Variants in SOD2 observed in about 807,000 individuals in gnomAD.
The protein encoded by SOD2 is superoxide dismutase [Mn], mitochondrial.
A neutral mutation model predicts 27.0 loss-of-function variants in SOD2; 11 were observed. The ratio of observed to expected loss-of-function variants is 0.41; its 90% CI spans 0.26 to 0.67. The LOEUF (loss-of-function observed/expected upper bound fraction) is 0.67. Among genes scored for constraint, SOD2 ranks in the 30% least tolerant of loss-of-function variants. The pLI is 0.34. For synonymous variants in SOD2, 105 were observed against 103.0 expected, an observed-to-expected ratio of 1.02 and a Z score of -0.12; for missense variants, 250 against 274.5, an observed-to-expected ratio of 0.91 and a Z score of 0.63.
chr6:159,709,710 G>A (rs1410088834), intron 1 of SOD2, among the ~76,000 whole-genome samples: 2 of 152,110 alleles, frequency 1.3e-5, no homozygotes, highest in African/African-American at 2.4e-5. Context: ...ACAGTGTGGC[G>A]ATTCCTCAGG....
chr6:159,757,396 CCTTTT>C (rs949244406), intron 1 of SOD2, among the ~76,000 whole-genome samples: 2 of 150,242 alleles, frequency 1.3e-5, no homozygotes, highest in Non-Finnish European at 1.5e-5. Context: ...TCTTGATTAA[CCTTTT>C]CTTTTTTTTC....
At chr6:159,694,148 C>A (rs1385898553), upstream of SOD2, among the ~76,000 whole-genome samples, 1 of 152,212 alleles carries the variant, frequency 6.6e-6, no homozygotes, top group Non-Finnish European at 1.5e-5. Context: ...TGTGAACCAA[C>A]TGTTCAGGAT....
intron 1 of SOD2, among the ~76,000 whole-genome samples, chr6:159,710,485 C>G (rs1379887481): frequency 6.6e-6 from 1 of 151,928 alleles, no homozygotes; most frequent in African/African-American, 2.4e-5. Context: ...GAGAAGCTGA[C>G]CAAGAGTGAT....
In SOD2 at chr6:159,678,888, T is replaced by C. The variant is rs1440499583; in HGVS notation, c.*3605A>G. The C allele has an allele frequency of 6.6e-6, 1 of 152,350 alleles. No homozygotes were observed. Among genetic ancestry groups the C allele is most frequent in the South Asian group, 2.1e-4 (1 of 4,834 alleles). The allele number at this position is 152,350 out of a possible 1,614,324, so 9.4% of individuals were successfully genotyped here. A position where few individuals can be genotyped will look rare whatever the true frequency, so the allele number is the denominator to read the frequency against. Reference sequence around the variant, plus strand: ...CCTGGTGTAAAAGTATTGAGTGGTATGTGACAACAGCAAAAACACTTTGGT... The same window carrying C: ...CCTGGTGTAAAAGTATTGAGTGGTACGTGACAACAGCAAAAACACTTTGGT... On this transcript the variant is annotated 3_prime_UTR_variant, in exon 5 of 5. Transcript: ENST00000538183.
rs529350002 is a variant in SOD2 at position 159,753,657 on chromosome 6, A to G, written c.-335-4981T>C. Reference sequence around the variant, plus strand: ...TTTTGGAACGTTGTCTCAACTTTGCATTGGCTTTTTAAAACTGCCAGTCAT... The same window carrying G: ...TTTTGGAACGTTGTCTCAACTTTGCGTTGGCTTTTTAAAACTGCCAGTCAT... On this transcript the variant is annotated intron_variant, in intron 1 of 7. Coordinates refer to the SOD2 transcript ENST00000546087. 1.3e-5 allele frequency: 20 copies of G among 1,564,418 alleles called. No homozygotes were observed. The South Asian group carries it at 2.2e-4, about 17-fold the overall frequency.
chr6:159,717,897 A>G (rs534182501), intron 1 of SOD2, among the ~76,000 whole-genome samples: 12 of 149,588 alleles, frequency 8.0e-5, no homozygotes, highest in East Asian at 5.9e-4. Flanking sequence ...ATGTATGGAT[A>G]TGTGTGTGTG....
At chr6:159,728,046 C>G (rs1778320246), upstream of SOD2, among the ~76,000 whole-genome samples, 1 of 152,202 alleles carries the variant, frequency 6.6e-6, no homozygotes, top group Non-Finnish European at 1.5e-5. Flanking sequence ...CCCTTCACCT[C>G]CCTTGGGCCT....
rs764702899 is a variant in SOD2 at position 159,692,647 on chromosome 6, A to G, written c.226+14T>C. On this transcript the variant is annotated intron_variant, in intron 2 of 4. Transcript: ENST00000538183. ...TGCCGGGGACTGCCTCCCGCCGCTC[A>G]GCCTGGAACCTACCCTTGGCCAACG... 8 of 1,612,150 alleles carry G rather than the reference A, an allele frequency of 5.0e-6. No homozygotes were observed. The highest frequency in any genetic ancestry group is 6.8e-6 in the Non-Finnish European group (8 of 1,178,986).
chr6:159,747,897 T>TATTTTTTTA (rs1245334303), upstream of SOD2, among the ~76,000 whole-genome samples: 1 of 152,230 alleles, frequency 6.6e-6, no homozygotes. Flanking sequence ...CTTAAATAGT[T>TATTTTTTTA]ATTTTTTTAA....
chr6:159,742,155 G>A, intron 1 of SOD2: 1 of 1,597,800 alleles, frequency 6.3e-7, no homozygotes, highest in Non-Finnish European at 8.5e-7. Context: ...CTGTAAGTTT[G>A]AGTTTTAGCT....
chr6:159,697,579 T>C (rs968400659), upstream of SOD2, among the ~76,000 whole-genome samples: 3 of 152,178 alleles, frequency 2.0e-5, no homozygotes, highest in Non-Finnish European at 4.4e-5. Context: ...AGAACAAAAG[T>C]GTTCTGTTAA....
intron 4 of SOD2, among the ~76,000 whole-genome samples, chr6:159,683,163 T>G (rs902248942): frequency 6.6e-6 from 1 of 152,210 alleles, no homozygotes; most frequent in African/African-American, 2.4e-5. Context: ...ATGAAGAATT[T>G]AGTTCTATCT....
At chr6:159,711,009 A>C (rs1432237752) in intron 1 of SOD2, among the ~76,000 whole-genome samples, 2 of 80,256 alleles carry the variant, frequency 2.5e-5, no homozygotes, top group Admixed American at 1.2e-4. Context: ...TCTGACCTCC[A>C]TAACCACCTC....
At chr6:159,726,805 C>T in intron 1 of SOD2, 1 of 1,289,222 alleles carries the variant, frequency 7.8e-7, no homozygotes, top group Non-Finnish European at 1.0e-6. Context: ...CTGCGCCTCA[C>T]GACTGATGAG....
chr6:159,712,172 A>G (rs577275517), intron 1 of SOD2, among the ~76,000 whole-genome samples: 4 of 94,324 alleles, frequency 4.2e-5, no homozygotes, highest in Admixed American at 1.1e-4. Context: ...CACCATAACC[A>G]CCTCCACAAC....
intron 3 of SOD2, among the ~76,000 whole-genome samples, chr6:159,687,215 G>C (rs2114776432): frequency 6.6e-6 from 1 of 152,296 alleles, no homozygotes; most frequent in South Asian, 2.1e-4. Context: ...GACTGGCGCG[G>C]TGGCTCACAT....
chr6:159,721,552 G>T (rs1308607297), intron 1 of SOD2, among the ~76,000 whole-genome samples: 1 of 151,550 alleles, frequency 6.6e-6, no homozygotes, highest in East Asian at 1.9e-4. Context: ...ATTTTTAGTA[G>T]AGACGGGGTT....
chr6:159,756,708 C>G (rs372220294), intron 1 of SOD2, among the ~76,000 whole-genome samples: 4 of 148,778 alleles, frequency 2.7e-5, no homozygotes, highest in Non-Finnish European at 5.9e-5. Flanking sequence ...CTCAAGTGAT[C>G]CTCCCACTTC....
upstream of SOD2, among the ~76,000 whole-genome samples, chr6:159,695,243 G>A (rs1441094577): frequency 6.6e-6 from 1 of 152,176 alleles, no homozygotes; most frequent in Admixed American, 6.5e-5. Context: ...GGGAGGCTGA[G>A]CTCAGGCTAC....
Sources: gnomAD v4.1 joint callset for allele counts (sites outside exome capture counted in the v4.1 genomes callset) on GRCh38, gnomAD v4.1.1 for gene constraint, MANE v1.5 for transcripts, NCBI Gene and HGNC (gene_info 2026-07-23, HGNC 2026-07-21) for gene names.